Variants in ADGRL3 observed in about 807,000 individuals in gnomAD.
ADGRL3 encodes adhesion G protein-coupled receptor L3.
ADGRL3 carries 62 observed loss-of-function variants against 153.5 expected under a neutral mutation model. The observed-to-expected ratio is 0.40, with a 90% confidence interval of 0.33 to 0.50. ADGRL3 has a LOEUF of 0.50. Ranked by LOEUF, ADGRL3 falls within the 20% of genes least tolerant of loss-of-function variation. The probability of loss-of-function intolerance (pLI) is 0.47; values close to 1 mark genes in which losing one functional copy is unlikely to be tolerated. For synonymous variants in ADGRL3, 710 were observed against 672.5 expected (o/e 1.06, Z -0.86); for missense variants, 1,641 against 1,859.4 (o/e 0.88, Z 2.16).
chr4:61,737,355 G>T (rs569601868), intron 8 of ADGRL3, among the ~76,000 whole-genome samples: 1 of 152,170 alleles, frequency 6.6e-6, no homozygotes, highest in South Asian at 2.1e-4. Flanking sequence ...CCTGTAAAAA[G>T]ATCTGGTGTT....
Position 62,028,573 on chromosome 4 carries a change from A to G in ADGRL3, c.3396-282A>G, listed in dbSNP as rs180689547. Among the ~76,000 whole-genome samples, 54 of 151,980 alleles carry G rather than the reference A, an allele frequency of 3.6e-4. 1 individual carries two copies. In the East Asian group the frequency reaches 9.7e-3, roughly 27 times the overall value. ...GAGAAATGTGATCTCTAAGAAATAA[A>G]TGTCTCTTTCAAGTCACAAGTAATA... On this transcript the variant is annotated intron_variant, in intron 21 of 26. Coordinates refer to ENST00000683033, the MANE Select transcript of ADGRL3 (RefSeq NM_001387552.1).
intron 25 of ADGRL3, among the ~76,000 whole-genome samples, chr4:62,046,749 A>G (rs1212865694): frequency 1.3e-5 from 2 of 151,990 alleles, no homozygotes; most frequent in Admixed American, 6.6e-5. Context: ...TATTTGTGCT[A>G]GAAGTCATAG....
At chr4:62,068,093 C>A in intron 25 of ADGRL3, 73 bp from the exon 26 acceptor site, 2 of 1,018,606 alleles carry the variant, frequency 2.0e-6, no homozygotes, top group Non-Finnish European at 2.8e-6. Flanking sequence ...TTGCTTTTTA[C>A]TCATGTTTCT....
intron 26 of ADGRL3, 139 bp from the exon 27 acceptor site, chr4:62,069,970 T>C (rs892561953): frequency 5.8e-6 from 4 of 687,748 alleles, no homozygotes; most frequent in Non-Finnish European, 9.8e-6. Flanking sequence ...TCTGTTTCCT[T>C]CCAAACATTT....
chr4:62,024,746 T>C (rs1173318608), intron 21 of ADGRL3, among the ~76,000 whole-genome samples: 1 of 151,900 alleles, frequency 6.6e-6, no homozygotes, highest in African/African-American at 2.4e-5. Flanking sequence ...CTGTCCAACA[T>C]AGTGAAACCC....
chr4:61,996,309 C>T lies in ADGRL3; in HGVS notation c.3255C>T (p.Asp1085=). Residue 1085 remains aspartate (D), a synonymous_variant, in exon 20 of 27, where the codon GAC becomes GAT. Coordinates refer to ENST00000683033, the MANE Select transcript of ADGRL3 (RefSeq NM_001387552.1). Reference sequence around the variant, plus strand: ...ATTGCAGATGTTGGCTCCGACTTGACACCTACTTCATTTGGAGTTTTATAG... The same window carrying T: ...ATTGCAGATGTTGGCTCCGACTTGATACCTACTTCATTTGGAGTTTTATAG... ...GTDKVCWLRL[D]TYFIWSFIGP... 6.2e-7 allele frequency: 1 copy of T among 1,613,042 alleles called. No individual in the cohort carries two copies. Among genetic ancestry groups the T allele is most frequent in the African/African-American group, 1.3e-5 (1 of 75,008 alleles).
chr4:61,301,193 T>C (rs2150347682), intron 1 of ADGRL3, among the ~76,000 whole-genome samples: 1 of 152,352 alleles, frequency 6.6e-6, no homozygotes, highest in African/African-American at 2.4e-5. Flanking sequence ...GTCTGGAAGA[T>C]ACTAGTAATT....
intron 4 of ADGRL3, among the ~76,000 whole-genome samples, chr4:61,527,800 G>A (rs2152943145): frequency 6.6e-6 from 1 of 152,202 alleles, no homozygotes; most frequent in Middle Eastern, 3.4e-3. Context: ...GAGCAATATA[G>A]CGAGGAGACA....
intron 4 of ADGRL3, among the ~76,000 whole-genome samples, chr4:61,569,076 G>T (rs1431316979): frequency 3.0e-4 from 46 of 152,056 alleles, no homozygotes; most frequent in Non-Finnish European, 7.4e-5. Flanking sequence ...AGTGTGGCAG[G>T]GGTGGGAGTG....
chr4:62,020,660 G>A (rs2099233636), intron 21 of ADGRL3, among the ~76,000 whole-genome samples: 1 of 151,774 alleles, frequency 6.6e-6, no homozygotes, highest in Admixed American at 6.6e-5. Context: ...AAAGTCATAA[G>A]AAAAAAACAT....
chr4:61,909,764 TG>T lies in ADGRL3; in HGVS notation c.2073+20del, dbSNP rs773531297. On this transcript the variant is annotated intron_variant, in intron 12 of 26. Transcript: ENST00000683033. ...GAACAAGGTAAGGACCCTAATTATG[TG>T]TGTGTGTGTGTGTGTGTGTGTGTGT... 1 of 460,486 alleles carries T rather than the reference TG, an allele frequency of 2.2e-6. No homozygotes were observed. The highest frequency in any genetic ancestry group is 2.7e-6 in the Non-Finnish European group (1 of 369,744). 28.5% of individuals were successfully genotyped at this position (460,486 alleles called of 1,614,324 possible).
chr4:61,890,874 A>T (rs1331472606), intron 9 of ADGRL3, among the ~76,000 whole-genome samples: 1 of 152,196 alleles, frequency 6.6e-6, no homozygotes, highest in African/African-American at 2.4e-5. Flanking sequence ...CTATGTAAAA[A>T]TTTAGTTTTT....
chr4:61,865,575 G>A (rs1249798751), intron 9 of ADGRL3, among the ~76,000 whole-genome samples: 1 of 152,150 alleles, frequency 6.6e-6, no homozygotes. Context: ...AAATAATCCA[G>A]TTATTGAAAT....
At chr4:61,375,009 C>T (rs2096586970) in intron 1 of ADGRL3, among the ~76,000 whole-genome samples, 1 of 151,980 alleles carries the variant, frequency 6.6e-6, no homozygotes, top group Admixed American at 6.6e-5. Context: ...TTTAGTAAAA[C>T]AGTAAGGATT....
rs777333793 is a variant in ADGRL3 at position 61,733,376 on chromosome 4, T to C, written c.1221T>C (p.Ile407=). 1 of 1,613,758 alleles carries C rather than the reference T, an allele frequency of 6.2e-7. No homozygotes were observed. The highest frequency in any genetic ancestry group is 1.1e-5 in the South Asian group (1 of 91,066). ...DDDNEATGNK[I]DYIYNTDQSK... ...ACAATGAGGCTACTGGAAATAAGAT[T>C]GACTACATTTACAACACTGACCAAA... The change falls in exon 8 of 27, where the codon ATT becomes ATC. Residue 407 remains isoleucine, a synonymous_variant. Coordinates refer to ENST00000683033, the MANE Select transcript of ADGRL3 (RefSeq NM_001387552.1).
At chr4:61,295,765 C>A (rs1329982665) in intron 1 of ADGRL3, among the ~76,000 whole-genome samples, 3 of 150,858 alleles carry the variant, frequency 2.0e-5, no homozygotes, top group African/African-American at 7.3e-5. Context: ...TTGAGACCAG[C>A]CTAGGCAACA....
At chr4:61,595,666 G>GGT (rs138489595) in intron 5 of ADGRL3, among the ~76,000 whole-genome samples, 5,129 of 152,252 alleles carry the variant, frequency 0.034, 120 homozygotes, top group Non-Finnish European at 0.051. Context: ...AGCTGTGCCA[G>GGT]GTGGTGTCTT....
chr4:61,963,360 T>A (rs1349889390), intron 17 of ADGRL3, among the ~76,000 whole-genome samples: 1 of 151,976 alleles, frequency 6.6e-6, no homozygotes, highest in Non-Finnish European at 1.5e-5. Flanking sequence ...AATTTTGTCA[T>A]CCAGATAATC....
chr4:61,241,098 T>C (rs1754750103), intron 1 of ADGRL3, among the ~76,000 whole-genome samples: 1 of 151,986 alleles, frequency 6.6e-6, no homozygotes, highest in African/African-American at 2.4e-5. Context: ...CACATACATA[T>C]AAAACATTGT....
Sources: gnomAD v4.1 joint callset for allele counts (sites outside exome capture counted in the v4.1 genomes callset) on GRCh38, gnomAD v4.1.1 for gene constraint, MANE v1.5 for transcripts, NCBI Gene and HGNC (gene_info 2026-07-23, HGNC 2026-07-21) for gene names.